DMD: variants seen among roughly 807,000 people sequenced by gnomAD.
The protein encoded by DMD is mutant dystrophin.
DMD carries 63 observed loss-of-function variants against 330.1 expected under a neutral mutation model. The ratio of observed to expected loss-of-function variants is 0.19; its 90% confidence interval spans 0.16 to 0.24. The LOEUF is 0.24. Among genes scored for constraint, DMD ranks in the 10% least tolerant of loss-of-function variants. The pLI, the probability that DMD is intolerant of heterozygous loss-of-function variation, is 1.00. For missense variants in DMD, 3,344 were observed against 2,684.1 expected (o/e 1.25, Z -5.43); for synonymous variants, 1,223 against 959.8 (o/e 1.27, Z -5.07).
intron 1 of DMD, among the ~76,000 whole-genome samples, chrX:33,317,461 C>T (rs776925722): frequency 6.3e-5 from 7 of 111,769 alleles, no homozygotes; most frequent in South Asian, 3.7e-4. Flanking sequence ...CAACAACATA[C>T]ATGGATGGTA....
intron 52 of DMD, 101 bp downstream of exon 52, chrX:31,729,530 C>T: frequency 1.6e-6 from 1 of 640,783 alleles, no homozygotes; most frequent in African/African-American, 2.1e-5. Context: ...AATTATTTCA[C>T]ATTATTTTTA....
chrX:33,107,327 C>A (rs1262987082), intron 1 of DMD, among the ~76,000 whole-genome samples: 6 of 81,226 alleles, frequency 7.4e-5, no homozygotes, highest in Non-Finnish European at 1.2e-4. Flanking sequence ...CCCCCCCCAA[C>A]ACACACAAAA....
At chrX:32,898,992 TA>T (rs1244656923) in intron 2 of DMD, among the ~76,000 whole-genome samples, 1 of 111,570 alleles carries the variant, frequency 9.0e-6, no homozygotes, top group Non-Finnish European at 1.9e-5. Flanking sequence ...CATGCACACA[TA>T]AAAAAAAGTG....
intron 62 of DMD, among the ~76,000 whole-genome samples, chrX:31,318,930 C>T (rs895271053): frequency 3.6e-5 from 4 of 112,133 alleles, no homozygotes; most frequent in Non-Finnish European, 7.5e-5. Flanking sequence ...TCAAATCCTT[C>T]CTAAGGGACA....
At chrX:32,922,844 G>T (rs1312765324) in intron 2 of DMD, among the ~76,000 whole-genome samples, 1 of 112,117 alleles carries the variant, frequency 8.9e-6, no homozygotes, top group African/African-American at 3.2e-5. Context: ...TTTTCTGTCA[G>T]TAAAATGGTT....
At chrX:32,594,881 CT>C (rs1309956063) in intron 13 of DMD, among the ~76,000 whole-genome samples, 1 of 111,625 alleles carries the variant, frequency 9.0e-6, no homozygotes, top group Non-Finnish European at 1.9e-5. Flanking sequence ...AAGTATAGAA[CT>C]CAAGCATGGA....
chrX:32,112,528 T>G lies in DMD; in HGVS notation c.6438+104388A>C, dbSNP rs148002219. ...CCACAACATGGCACTTGGAGACGAA[T>G]AGATTATAATAGGTTTTGGACATCA... On this transcript the variant is annotated intron_variant, in intron 44 of 78. Coordinates refer to ENST00000357033, the MANE Select transcript of DMD (RefSeq NM_004006.3). 4.5e-5 allele frequency among the ~76,000 whole-genome samples: 5 copies of G among 111,471 alleles called. No individual in the cohort carries two copies. In the Admixed American group the frequency reaches 4.8e-4, roughly 11 times the overall value.
intron 16 of DMD, among the ~76,000 whole-genome samples, chrX:32,556,631 A>T (rs1277572293): frequency 8.9e-6 from 1 of 112,115 alleles, no homozygotes; most frequent in African/African-American, 3.2e-5. Context: ...AATGCCACAA[A>T]CACGAACGAG....
chrX:32,802,663 T>C (rs1021614841), intron 7 of DMD, among the ~76,000 whole-genome samples: 1 of 111,869 alleles, frequency 8.9e-6, no homozygotes, highest in African/African-American at 3.3e-5. Context: ...ACCTAGTTTA[T>C]TGAAAATTTT....
chrX:32,777,479 C>G (rs1259287232), intron 7 of DMD, among the ~76,000 whole-genome samples: 2 of 110,363 alleles, frequency 1.8e-5, no homozygotes, highest in South Asian at 3.9e-4. Context: ...ATATCATTTT[C>G]CATGTATTCT....
intron 9 of DMD, among the ~76,000 whole-genome samples, chrX:32,683,782 T>C (rs2062622951): frequency 1.0e-5 from 1 of 98,366 alleles, no homozygotes; most frequent in Non-Finnish European, 2.0e-5. Flanking sequence ...ACCCTAAAAG[T>C]ATAATAAAAA....
In DMD at chrX:32,800,806, T is replaced by A. The variant is rs190879822; in HGVS notation, c.649+8687A>T. ...TGAGTGAGAACATGCCGAGTTTGAT[T>A]TTCTGTTCCTATGTTAGTTTGCTGA... On this transcript the variant is annotated intron_variant, in intron 7 of 78. Coordinates refer to ENST00000357033, the MANE Select transcript of DMD (RefSeq NM_004006.3). Among the ~76,000 whole-genome samples the A allele has an allele frequency of 1.7e-3, 184 of 111,004 alleles. 1 individual carries two copies. The highest frequency in any genetic ancestry group is 2.2e-3 in the Non-Finnish European group (117 of 53,092).
chrX:31,665,946 A>G (rs996134697), intron 53 of DMD, among the ~76,000 whole-genome samples: 5 of 112,017 alleles, frequency 4.5e-5, no homozygotes, highest in African/African-American at 1.3e-4. Flanking sequence ...TTTCATTATG[A>G]CATTTTTGAA....
chrX:32,034,151 C>G (rs2095919562), intron 44 of DMD, among the ~76,000 whole-genome samples: 1 of 111,597 alleles, frequency 9.0e-6, no homozygotes, highest in South Asian at 3.7e-4. Flanking sequence ...AAAAGCATTT[C>G]CCTGGCATAC....
intron 9 of DMD, among the ~76,000 whole-genome samples, chrX:32,681,499 A>C (rs1411519678): frequency 1.8e-5 from 2 of 111,857 alleles, no homozygotes; most frequent in Non-Finnish European, 3.8e-5. Flanking sequence ...TAGTAAGAGA[A>C]GGAAGATGAC....
At chrX:32,135,500 G>T (rs979962564) in intron 44 of DMD, among the ~76,000 whole-genome samples, 3 of 112,376 alleles carry the variant, frequency 2.7e-5, no homozygotes, top group Non-Finnish European at 5.6e-5. Context: ...GGAGGCCAAG[G>T]TGGGCAGATT....
intron 60 of DMD, among the ~76,000 whole-genome samples, chrX:31,431,987 G>A (rs1430324468): frequency 9.1e-6 from 1 of 109,353 alleles, no homozygotes. Flanking sequence ...GCTAATTTTT[G>A]TATTTTTGAT....
At chrX:32,338,473 G>A (rs1001290251) in intron 41 of DMD, among the ~76,000 whole-genome samples, 7 of 109,125 alleles carry the variant, frequency 6.4e-5, no homozygotes, top group East Asian at 5.7e-4. Flanking sequence ...TCAAATCTTC[G>A]TTTTCACTTT....
At chrX:31,900,567 T>C (rs998260654) in intron 47 of DMD, among the ~76,000 whole-genome samples, 1 of 111,551 alleles carries the variant, frequency 9.0e-6, no homozygotes, top group Non-Finnish European at 1.9e-5. Context: ...GGTATGTCTT[T>C]ATCCGCAGTG....
Sources: gnomAD v4.1 joint callset for allele counts (sites outside exome capture counted in the v4.1 genomes callset) on GRCh38, gnomAD v4.1.1 for gene constraint, MANE v1.5 for transcripts, NCBI Gene and HGNC (gene_info 2026-07-23, HGNC 2026-07-21) for gene names.